The following EXOC7 variants were observed in gnomAD, a reference collection of about 807,000 sequenced individuals.
The protein encoded by EXOC7 is exocyst complex component 7.
In EXOC7, 51 loss-of-function variants were observed where a neutral mutation model predicts 87.6. The ratio of observed to expected loss-of-function variants is 0.58; its 90% CI spans 0.46 to 0.73. EXOC7 has a LOEUF of 0.73. Among genes scored for constraint, EXOC7 ranks in the 30% least tolerant of loss-of-function variants. The pLI is 0.00. For missense variants in EXOC7, 744 were observed against 888.4 expected, an observed-to-expected ratio of 0.84 and a Z score of 2.07; for synonymous variants, 327 against 357.1, an observed-to-expected ratio of 0.92 and a Z score of 0.95.
intron 12 of EXOC7, 31 bp from the exon 13 acceptor site, chr17:76,086,176 G>A (rs2067203575): frequency 6.2e-7 from 1 of 1,608,432 alleles, no homozygotes; most frequent in African/African-American, 1.3e-5. Context: ...TTATTGCAGT[G>A]GCAGCAGCCA....
Position 76,091,149 on chromosome 17 carries a change from G to A in EXOC7, c.895C>T (p.Leu299=). 1 of 1,613,498 alleles carries A rather than the reference G, an allele frequency of 6.2e-7. No homozygotes were observed. ...GKKGGSNLIP[L]EGRDDMLDVE... ...GGGAACACAGGGTGATTACCTTCCA[G>A]AGGAATGAGGTTAGAGCCCCCCTTT... The change falls in exon 7 of 19, where the codon CTG becomes TTG. Residue 299 remains leucine (L), a synonymous_variant. Transcript: ENST00000589210.
At position 76,099,937 on chromosome 17, in the gene EXOC7, A is replaced by G. The variant is rs190927033; in HGVS notation, c.417+1334T>C. Among the ~76,000 whole-genome samples the G allele has an allele frequency of 2.4e-3, 372 of 152,262 alleles. 1 individual carries two copies. Among genetic ancestry groups the G allele is most frequent in the African/African-American group, 8.7e-3 (361 of 41,560 alleles). On this transcript the variant is annotated intron_variant, in intron 4 of 18. Transcript: ENST00000589210. ...GAACAACACAGGAGACCTCATCTCT[A>G]CAAAAAATTTAAAACTTAGCTGGGT...
chr17:76,103,738 G>A lies in EXOC7; in HGVS notation c.-46C>T. 6.5e-7 allele frequency: 1 copy of A among 1,545,798 alleles called. No homozygotes were observed. Among genetic ancestry groups the A allele is most frequent in the Non-Finnish European group, 8.7e-7 (1 of 1,144,132 alleles). ...CCACTCCCCAGTATCTTTCCTCCGC[G>A]GGCCCACCGGGCCCCCGTCCCCGTC... is the stretch of plus-strand genomic sequence containing the variant. On this transcript the variant is annotated 5_prime_UTR_variant, in exon 1 of 19. Coordinates refer to ENST00000589210, the MANE Select transcript of EXOC7 (RefSeq NM_001013839.4).
At position 76,081,022 on chromosome 17, in the gene EXOC7, G is replaced by T; in HGVS notation, c.*2626C>A. The T allele has an allele frequency of 2.2e-6, 1 of 451,146 alleles. No individual in the cohort carries two copies. The highest frequency in any genetic ancestry group is 4.9e-5 in the East Asian group (1 of 20,520). The allele number at this position is 451,146 out of a possible 1,614,324, so 27.9% of individuals were successfully genotyped here. On this transcript the variant is annotated 3_prime_UTR_variant, in exon 19 of 19. Coordinates refer to ENST00000589210, the MANE Select transcript of EXOC7 (RefSeq NM_001013839.4). ...ACCACTTCTCCCTCCATCATGAAGTGGTGCAAAGTACATTTATTTTTACAA... is the reference window on the plus strand; with the variant it reads ...ACCACTTCTCCCTCCATCATGAAGTTGTGCAAAGTACATTTATTTTTACAA...
intron 12 of EXOC7, chr17:76,086,875 T>C: frequency 1.9e-6 from 3 of 1,551,188 alleles, no homozygotes; most frequent in Non-Finnish European, 2.6e-6. Context: ...AAAGGAATAT[T>C]GTATGTGTCC....
chr17:76,103,485 G>C (rs539544915), intron 1 of EXOC7, 59 bp from the exon 2 acceptor site: 6 of 1,554,448 alleles, frequency 3.9e-6, no homozygotes, highest in Non-Finnish European at 5.2e-6. Context: ...AGACCACTGC[G>C]TCCCAACCCC....
At chr17:76,090,607 C>T (rs1161256524) in intron 7 of EXOC7, 1 of 847,440 alleles carries the variant, frequency 1.2e-6, no homozygotes, top group African/African-American at 1.7e-5. Flanking sequence ...CAGTGAGCAC[C>T]CAGGACCGTC....
rs766766866 is a variant in EXOC7 at position 76,101,762 on chromosome 17, A to T, written c.228T>A (p.Asn76Lys). 7.4e-6 allele frequency: 12 copies of T among 1,614,014 alleles called. No individual in the cohort carries two copies. The East Asian group carries it at 2.7e-4, about 36-fold the overall frequency. Residue 76 changes from asparagine to lysine, a missense_variant, in exon 3 of 19, where the codon AAT (asparagine) becomes AAA (lysine). By Grantham distance (94) the Asn-to-Lys change is moderately conservative. Around this residue, in one of 3 missense-constraint regions of EXOC7, gnomAD observed 512 missense variants for 573.0 expected, o/e 0.89. Transcript: ENST00000589210. ...CCAGGCAGGACAGCGTCTTCTCAAC[A>T]TTCTCCTGCAGCCGCTGCAGATTCT... The part of the protein sequence containing the change: ...QTENLQRLQE[N>K]VEKTLSCLDH...
chr17:76,096,084 C>T (rs912549420), intron 5 of EXOC7, among the ~76,000 whole-genome samples: 2 of 151,164 alleles, frequency 1.3e-5, no homozygotes, highest in Admixed American at 6.6e-5. Flanking sequence ...CATCAGCTCA[C>T]GAGCCACAAC....
rs367850522 is a variant in EXOC7, at chr17:76,097,860, G to T, written c.576C>A (p.Pro192=). ...AQEDVTLEHL[P]ESVLQDVIRI... is the part of the protein sequence containing the mutation. The stretch of plus-strand genomic sequence containing the variant: ...GAATGACATCCTGGAGCACGCTCTC[G>T]GGCAGGTGCTCCAGGGTCACGTCCT... The change falls in exon 5 of 19, where the codon CCC becomes CCA. Residue 192 remains proline, a synonymous_variant. Transcript: ENST00000589210. 3.4e-5 allele frequency: 55 copies of T among 1,613,866 alleles called. No homozygotes were observed. Among genetic ancestry groups the T allele is most frequent in the East Asian group, 2.9e-4 (13 of 44,896 alleles).
chr17:76,091,054 G>C, intron 7 of EXOC7, 89 bp downstream of exon 7: 1 of 1,178,770 alleles, frequency 8.5e-7, no homozygotes, highest in Non-Finnish European at 1.3e-6. Flanking sequence ...GGTTTCTCCC[G>C]AGGCCCTCCT....
At position 76,085,588 on chromosome 17, in the gene EXOC7, GAGA is replaced by G. The variant is rs1356697402; in HGVS notation, c.1616+86_1616+88del. 6 of 1,599,230 alleles carry G rather than the reference GAGA, an allele frequency of 3.8e-6. No individual in the cohort carries two copies. In the East Asian group the frequency reaches 6.7e-5, roughly 18 times the overall value. On this transcript the variant is annotated intron_variant, in intron 14 of 18. Transcript: ENST00000589210. ...GCACCCCCTCCCCTCTCGTCCACAAGAGAAGGAGCCCAGGGGGGCAGGGGCTGG... is the reference window on the plus strand; with the variant it reads ...GCACCCCCTCCCCTCTCGTCCACAAGAGGAGCCCAGGGGGGCAGGGGCTGG...
intron 4 of EXOC7, among the ~76,000 whole-genome samples, chr17:76,098,865 CAAAAAA>C (rs55644538): frequency 1.9e-5 from 2 of 106,898 alleles, no homozygotes; most frequent in African/African-American, 3.4e-5. Context: ...GACTCCGTCT[CAAAAAA>C]AAAAAAAAAA....
rs1376924183 is a variant in EXOC7 at position 76,103,779 on chromosome 17, C to T, written c.-87G>A. The T allele has an allele frequency of 1.7e-5, 25 of 1,440,530 alleles. No individual in the cohort carries two copies. The highest frequency in any genetic ancestry group is 2.1e-5 in the Non-Finnish European group (22 of 1,062,842). The allele number at this position is 1,440,530 out of a possible 1,614,324, so 89.2% of individuals were successfully genotyped here. A position where few individuals can be genotyped will look rare whatever the true frequency, so the allele number is the denominator to read the frequency against. Reference sequence around the variant, plus strand: ...CGTCCCCGTCACACCCACTTCCGCTCTTGGTCCCGCCCCGGGACGCCTGGG... The same window carrying T: ...CGTCCCCGTCACACCCACTTCCGCTTTTGGTCCCGCCCCGGGACGCCTGGG... On this transcript the variant is annotated 5_prime_UTR_variant, in exon 1 of 19. Coordinates refer to ENST00000589210, the MANE Select transcript of EXOC7 (RefSeq NM_001013839.4).
intron 12 of EXOC7, 73 bp downstream of exon 12, chr17:76,087,574 ACTGCTAC>A (rs2067267440): frequency 7.2e-7 from 1 of 1,395,528 alleles, no homozygotes; most frequent in Non-Finnish European, 9.9e-7. Flanking sequence ...ATACCTCCTC[ACTGCTAC>A]CTGCCCTCTA....
chr17:76,103,608 C>T lies in EXOC7; in HGVS notation c.60+25G>A, dbSNP rs191131343. Reference sequence around the variant, plus strand: ...TTGGCCCCTTTCCCTCACCTCCTCCCCAGCCTCCCCAGGCCCACGCCCACC... The same window carrying T: ...TTGGCCCCTTTCCCTCACCTCCTCCTCAGCCTCCCCAGGCCCACGCCCACC... On this transcript the variant is annotated intron_variant, in intron 1 of 18. Coordinates refer to ENST00000589210, the MANE Select transcript of EXOC7 (RefSeq NM_001013839.4). The T allele has an allele frequency of 3.8e-5, 62 of 1,612,760 alleles. No individual in the cohort carries two copies. In the East Asian group the frequency reaches 1.4e-3, roughly 36 times the overall value.
At chr17:76,086,829 G>T in intron 12 of EXOC7, 1 of 1,549,976 alleles carries the variant, frequency 6.5e-7, no homozygotes, top group Non-Finnish European at 8.7e-7. Context: ...GGGACAGGAG[G>T]GGGCTGCAGA....
rs1255915569 is a variant in EXOC7, at chr17:76,091,158, G to T, written c.886C>A (p.Leu296Ile). ...GLDGKKGGSN[L>I]IPLEGRDDML... Reference sequence around the variant, plus strand: ...GGGTGATTACCTTCCAGAGGAATGAGGTTAGAGCCCCCCTTTTTCCCATCT... The same window carrying T: ...GGGTGATTACCTTCCAGAGGAATGATGTTAGAGCCCCCCTTTTTCCCATCT... Residue 296 changes from leucine to isoleucine, a missense_variant, in exon 7 of 19, where the codon CTC becomes ATC. By Grantham distance (5) the Leu-to-Ile change is conservative (BLOSUM62 2). Transcript: ENST00000589210. The T allele has an allele frequency of 3.7e-6, 6 of 1,613,814 alleles. No homozygotes were observed. The Admixed American group carries it at 8.3e-5, about 22-fold the overall frequency.
chr17:76,100,508 A>C (rs1237783410), intron 4 of EXOC7, among the ~76,000 whole-genome samples: 3 of 151,516 alleles, frequency 2.0e-5, no homozygotes, highest in Non-Finnish European at 4.4e-5. Context: ...GTGGTGGCGC[A>C]CACCCTCCCA....
Sources: gnomAD v4.1 joint callset for allele counts (sites outside exome capture counted in the v4.1 genomes callset) on GRCh38, gnomAD v4.1.1 for gene constraint, gnomAD v4.1.1 regional missense constraint, MANE v1.5 for transcripts, NCBI Gene and HGNC (gene_info 2026-07-23, HGNC 2026-07-21) for gene names.